Variants in PARD3 observed in about 807,000 individuals in gnomAD.
PARD3 encodes partitioning defective 3 homolog.
A neutral mutation model predicts 155.4 loss-of-function variants in PARD3; 75 were observed. That is an observed-to-expected ratio of 0.48 (90% CI 0.40 to 0.58). The LOEUF is 0.58. Among genes scored for constraint, PARD3 ranks in the 20% least tolerant of loss-of-function variants. The pLI is 0.00. For synonymous variants in PARD3, 576 were observed against 610.5 expected, an observed-to-expected ratio of 0.94 and a Z score of 0.83; for missense variants, 1,642 against 1,721.7, an observed-to-expected ratio of 0.95 and a Z score of 0.82.
At chr10:34,798,469 C>T (rs1370156021) in intron 1 of PARD3, among the ~76,000 whole-genome samples, 2 of 151,922 alleles carry the variant, frequency 1.3e-5, no homozygotes, top group African/African-American at 4.8e-5. Flanking sequence ...CTTTGGGAGG[C>T]TGAGGCAGGT....
chr10:34,511,627 T>C (rs1292346546), intron 3 of PARD3, among the ~76,000 whole-genome samples: 1 of 151,430 alleles, frequency 6.6e-6, no homozygotes, highest in Admixed American at 6.6e-5. Context: ...CTTCTTTTTA[T>C]ACTAAGAAGT....
rs774388724 is a variant in PARD3, at chr10:34,111,151, C to T, written c.*18G>A. On this transcript the variant is annotated 3_prime_UTR_variant, in exon 25 of 25. Coordinates refer to ENST00000374788, the MANE Select transcript of PARD3 (RefSeq NM_001184785.2). ...ATGTCTTTTATTGCGCGACATGAAGCATCCGTTATTTGCGTGCTCAGGAAT... is the reference window on the plus strand; with the variant it reads ...ATGTCTTTTATTGCGCGACATGAAGTATCCGTTATTTGCGTGCTCAGGAAT... 3 of 1,524,222 alleles carry T rather than the reference C, an allele frequency of 2.0e-6. No individual in the cohort carries two copies. Among genetic ancestry groups the T allele is most frequent in the African/African-American group, 2.8e-5 (2 of 71,668 alleles). The allele number at this position is 1,524,222 out of a possible 1,614,324, so 94.4% of individuals were successfully genotyped here. A position where few individuals can be genotyped will look rare whatever the true frequency, so the allele number is the denominator to read the frequency against.
chr10:34,111,580 AAG>A lies in PARD3; in HGVS notation c.3669-20_3669-19del. 6.3e-7 allele frequency: 1 copy of A among 1,577,762 alleles called. No individual in the cohort carries two copies. Among genetic ancestry groups the A allele is most frequent in the Non-Finnish European group, 8.6e-7 (1 of 1,157,680 alleles). ...TGCTTTGCCTAGAAAGCAAAACCCA[AAG>A]GTTAGTGTGAGGGTAGGAAGAAGGA... On this transcript the variant is annotated intron_variant, in intron 24 of 24. Coordinates refer to ENST00000374788, the MANE Select transcript of PARD3 (RefSeq NM_001184785.2).
In PARD3 at chr10:34,681,730, TTATATATATATATATA is replaced by T. The variant is rs71487904; in HGVS notation, c.222+14572_222+14587del. ...TATATATGTATTTTACGTATGTATT[TTATATATATATATATA>T]TATATATATATATATATATATATTT... On this transcript the variant is annotated intron_variant, in intron 2 of 24. Coordinates refer to ENST00000374788, the MANE Select transcript of PARD3 (RefSeq NM_001184785.2). 9.1e-3 allele frequency among the ~76,000 whole-genome samples: 274 copies of T among 29,968 alleles called. 8 individuals are homozygous for T. The highest frequency in any genetic ancestry group is 0.028 in the African/African-American group (262 of 9,522). The allele number at this position is 29,968 out of a possible 152,430, so 19.7% of individuals were successfully genotyped here.
intron 2 of PARD3, among the ~76,000 whole-genome samples, chr10:34,602,010 A>G (rs1231625226): frequency 1.3e-5 from 2 of 152,220 alleles, no homozygotes; most frequent in Non-Finnish European, 2.9e-5. Context: ...TTGTTCCTTT[A>G]TGTGAAAGAA....
intron 22 of PARD3, among the ~76,000 whole-genome samples, chr10:34,203,119 A>G (rs1951298600): frequency 6.6e-6 from 1 of 152,142 alleles, no homozygotes; most frequent in African/African-American, 2.4e-5. Flanking sequence ...AGAAAATATG[A>G]TGGTTTAGTT....
chr10:34,433,258 AAT>A (rs2076034364), intron 5 of PARD3, among the ~76,000 whole-genome samples: 1 of 152,204 alleles, frequency 6.6e-6, no homozygotes, highest in African/African-American at 2.4e-5. Flanking sequence ...TAAAAATTCA[AAT>A]AGTCATTATA....
At chr10:34,561,564 G>C (rs1161742462) in intron 2 of PARD3, among the ~76,000 whole-genome samples, 1 of 151,628 alleles carries the variant, frequency 6.6e-6, no homozygotes, top group Non-Finnish European at 1.5e-5. Context: ...TGTTGCCCAG[G>C]CTGGAGTGCA....
intron 22 of PARD3, among the ~76,000 whole-genome samples, chr10:34,245,682 C>T (rs1953903289): frequency 6.6e-6 from 1 of 152,150 alleles, no homozygotes; most frequent in Admixed American, 6.5e-5. Context: ...CACTCCGGAA[C>T]TAGGTATGAG....
rs745359498 is a variant in PARD3, at chr10:34,284,226, C to A, written c.3085G>T (p.Asp1029Tyr). The A allele has an allele frequency of 1.2e-6, 2 of 1,608,560 alleles. No individual in the cohort carries two copies. The highest frequency in any genetic ancestry group is 2.2e-5 in the South Asian group (2 of 90,198). The change falls in exon 21 of 25, where the codon GAT (aspartate) becomes TAT (tyrosine). Residue 1029 changes from aspartate to tyrosine, a missense_variant. Asp to Tyr is a radical substitution (Grantham distance 160). Transcript: ENST00000374788. Reference protein sequence around the residue: ...DMFRFGKHRKDDKIEKTGKIK... With the variant: ...DMFRFGKHRKYDKIEKTGKIK... ...TTACCCGTTTTCTCAATCTTGTCATCTTTTCGATGTTTGCCAAACCTGTTA... is the reference window on the plus strand; with the variant it reads ...TTACCCGTTTTCTCAATCTTGTCATATTTTCGATGTTTGCCAAACCTGTTA...
At chr10:34,575,172 A>G (rs995663259) in intron 2 of PARD3, among the ~76,000 whole-genome samples, 3 of 152,218 alleles carry the variant, frequency 2.0e-5, no homozygotes, top group Admixed American at 2.0e-4. Flanking sequence ...TAATGAAAGT[A>G]AAACAAAATT....
At chr10:34,413,545 T>C (rs945075937) in intron 5 of PARD3, among the ~76,000 whole-genome samples, 1 of 151,610 alleles carries the variant, frequency 6.6e-6, no homozygotes, top group African/African-American at 2.4e-5. Context: ...ATTTCTAAAA[T>C]AAGTCTCATA....
At chr10:34,261,730 AAGG>A (rs1954983297) in intron 22 of PARD3, among the ~76,000 whole-genome samples, 1 of 48,622 alleles carries the variant, frequency 2.1e-5, no homozygotes, top group African/African-American at 5.6e-4. Context: ...GGAAGAAAGG[AAGG>A]AAGAAAGGAA....
chr10:34,713,485 C>T (rs979281042), intron 1 of PARD3, among the ~76,000 whole-genome samples: 4 of 152,110 alleles, frequency 2.6e-5, no homozygotes, highest in Non-Finnish European at 5.9e-5. Context: ...AGGCCAGGTG[C>T]GGTGGCTCAC....
chr10:34,761,150 C>G (rs1032946173), intron 1 of PARD3, among the ~76,000 whole-genome samples: 4 of 152,058 alleles, frequency 2.6e-5, no homozygotes, highest in Non-Finnish European at 5.9e-5. Flanking sequence ...GTGGCTCATG[C>G]CTATTATCTC....
intron 1 of PARD3, among the ~76,000 whole-genome samples, chr10:34,756,551 G>C (rs1191682777): frequency 6.8e-6 from 1 of 146,870 alleles, no homozygotes; most frequent in Non-Finnish European, 1.5e-5. Flanking sequence ...GAACGCCTGA[G>C]CTCAAGTGAT....
intron 2 of PARD3, among the ~76,000 whole-genome samples, chr10:34,617,324 C>A (rs1282286898): frequency 6.6e-6 from 1 of 151,914 alleles, no homozygotes; most frequent in Non-Finnish European, 1.5e-5. Flanking sequence ...CCAGTGCTTA[C>A]CAGAGACTGG....
chr10:34,562,441 C>CAAAA (rs1424042309), intron 2 of PARD3, among the ~76,000 whole-genome samples: 1 of 151,862 alleles, frequency 6.6e-6, no homozygotes. Flanking sequence ...GTCTCAAAAA[C>CAAAA]AAAACAAACA....
At chr10:34,427,279 G>A (rs991755738) in intron 5 of PARD3, among the ~76,000 whole-genome samples, 1 of 152,212 alleles carries the variant, frequency 6.6e-6, no homozygotes, top group African/African-American at 2.4e-5. Flanking sequence ...TCTTTCCCCA[G>A]TAAGGAATAT....
Sources: gnomAD v4.1 joint callset for allele counts (sites outside exome capture counted in the v4.1 genomes callset) on GRCh38, gnomAD v4.1.1 for gene constraint, MANE v1.5 for transcripts, NCBI Gene and HGNC (gene_info 2026-07-23, HGNC 2026-07-21) for gene names.